The following YME1L1 variants were observed in gnomAD, a reference collection of about 807,000 sequenced individuals.
The protein encoded by YME1L1 is ATP-dependent zinc metalloprotease YME1L1.
Under a neutral mutation model 90.4 loss-of-function variants are expected in YME1L1, and 39 were observed. The ratio of observed to expected loss-of-function variants is 0.43; its 90% CI spans 0.33 to 0.56. YME1L1 has a LOEUF of 0.56. YME1L1 is among the 20% of genes least tolerant of loss of function. The probability of loss-of-function intolerance (pLI) is 0.03; values close to 1 mark genes in which losing one functional copy is unlikely to be tolerated. For synonymous variants in YME1L1, 284 were observed against 287.3 expected, an observed-to-expected ratio of 0.99 and a Z score of 0.12; for missense variants, 617 against 868.4, an observed-to-expected ratio of 0.71 and a Z score of 3.64.
intron 8 of YME1L1, among the ~76,000 whole-genome samples, chr10:27,131,033 G>C (rs747498041): frequency 4.6e-5 from 7 of 152,160 alleles, no homozygotes; most frequent in African/African-American, 7.2e-5. Flanking sequence ...GAGAGCCTTT[G>C]CTCAAACTGT....
intron 11 of YME1L1, 45 bp downstream of exon 11, chr10:27,122,796 C>A: frequency 6.2e-7 from 1 of 1,607,198 alleles, no homozygotes; most frequent in Non-Finnish European, 8.5e-7. Flanking sequence ...ATATCAAATG[C>A]TGGGAGGCAT....
chr10:27,114,970 T>G (rs2056796905), intron 17 of YME1L1, among the ~76,000 whole-genome samples: 1 of 152,048 alleles, frequency 6.6e-6, no homozygotes, highest in African/African-American at 2.4e-5. Flanking sequence ...GTGGTTGCAG[T>G]AAGCTGACAT....
At position 27,111,511 on chromosome 10, in the gene YME1L1, G is replaced by T. The variant is rs2056758661; in HGVS notation, c.*466C>A. 4.6e-6 allele frequency: 1 copy of T among 219,638 alleles called. No individual in the cohort carries two copies. Among genetic ancestry groups the T allele is most frequent in the Non-Finnish European group, 9.2e-6 (1 of 108,546 alleles). 13.6% of individuals were successfully genotyped at this position (219,638 alleles called of 1,614,324 possible). A position where few individuals can be genotyped will look rare whatever the true frequency, so the allele number is the denominator to read the frequency against. ...ACCATGCCAAAAGGCTATATTCCTG[G>T]CTCTGTGTTTCCGAGACTGCTTTTA... On this transcript the variant is annotated 3_prime_UTR_variant, in exon 19 of 19. Transcript: ENST00000376016.
At chr10:27,149,197 G>A (rs970942596) in intron 1 of YME1L1, among the ~76,000 whole-genome samples, 157 bp from the exon 2 acceptor site, 2 of 152,046 alleles carry the variant, frequency 1.3e-5, no homozygotes, top group Admixed American at 6.6e-5. Flanking sequence ...CTGGTGAGAC[G>A]AAAACTGGTA....
rs143380638 is a variant in YME1L1 at position 27,150,869 on chromosome 10, T to C, written c.34-1829A>G. 2.1e-3 allele frequency among the ~76,000 whole-genome samples: 325 copies of C among 152,180 alleles called. 4 individuals are homozygous for C. Among genetic ancestry groups the C allele is most frequent in the African/African-American group, 7.6e-3 (314 of 41,516 alleles). On this transcript the variant is annotated intron_variant, in intron 1 of 18. Transcript: ENST00000376016. Reference sequence around the variant, plus strand: ...TCTGCCTATGGAGTACCCCATTCTTTACTCCTTTACCTTCTTAATAAACTT... The same window carrying C: ...TCTGCCTATGGAGTACCCCATTCTTCACTCCTTTACCTTCTTAATAAACTT...
chr10:27,112,293 T>C (rs1466765091), intron 18 of YME1L1, among the ~76,000 whole-genome samples, 173 bp from the exon 19 acceptor site: 1 of 152,168 alleles, frequency 6.6e-6, no homozygotes, highest in African/African-American at 2.4e-5. Context: ...CATTATAACA[T>C]AGTAAGGAAA....
Position 27,126,777 on chromosome 10 carries a change from C to T in YME1L1, c.868G>A (p.Ala290Thr), listed in dbSNP as rs966864139. 6.3e-6 allele frequency: 10 copies of T among 1,579,598 alleles called. No homozygotes were observed. Among genetic ancestry groups the T allele is most frequent in the Non-Finnish European group, 8.6e-6 (10 of 1,164,524 alleles). ...ACAACTTCCTGTAATTCTTGTTTAGCTTCCTCCACCTAAAGTGACACAATT... is the reference window on the plus strand; with the variant it reads ...ACAACTTCCTGTAATTCTTGTTTAGTTTCCTCCACCTAAAGTGACACAATT... ...TFEHVKGVEEAKQELQEVVEF... is the reference protein window; with the variant it reads ...TFEHVKGVEETKQELQEVVEF... The change falls in exon 9 of 19, where the codon GCT becomes ACT. Residue 290 changes from alanine (A) to threonine (T), a missense_variant. Physicochemically the swap from Ala to Thr is moderately conservative, Grantham distance 58. Around this residue, in one of 4 missense-constraint regions of YME1L1, gnomAD observed 93 missense variants for 184.8 expected, o/e 0.50. Transcript: ENST00000376016.
intron 18 of YME1L1, among the ~76,000 whole-genome samples, chr10:27,113,235 A>T (rs867792755): frequency 0.017 from 498 of 29,536 alleles, 6 homozygotes; most frequent in African/African-American, 0.023. Flanking sequence ...AAAAAAAAAA[A>T]AAAAAAAAAA....
chr10:27,154,133 C>A (rs1262305509), intron 1 of YME1L1, 45 bp downstream of exon 1: 49 of 1,563,386 alleles, frequency 3.1e-5, no homozygotes, highest in Non-Finnish European at 4.1e-5. Context: ...CAAACAGCCA[C>A]GGGCAGGGCG....
At position 27,142,445 on chromosome 10, in the gene YME1L1, C is replaced by G; in HGVS notation, c.372G>C (p.Leu124Phe). The change falls in exon 4 of 19, where the codon TTG (leucine) becomes TTC (phenylalanine). Residue 124 changes from leucine to phenylalanine, a missense_variant. Physicochemically the swap from Leu to Phe is conservative, Grantham distance 22 (BLOSUM62 0). Coordinates refer to ENST00000376016, the MANE Select transcript of YME1L1 (RefSeq NM_014263.4). Reference protein sequence around the residue: ...DIFSTLRSSCLYRHHSRALQS... With the variant: ...DIFSTLRSSCFYRHHSRALQS... ...GAAGAGCTCTTGAATGATGTCGATA[C>G]AAGCAAGAGGAACGTAATGTACTAA... 6.5e-7 allele frequency: 1 copy of G among 1,529,816 alleles called. No individual in the cohort carries two copies. Among genetic ancestry groups the G allele is most frequent in the Non-Finnish European group, 8.8e-7 (1 of 1,138,332 alleles). 94.8% of individuals were successfully genotyped at this position (1,529,816 alleles called of 1,614,324 possible).
chr10:27,120,296 G>A (rs1456361948), intron 13 of YME1L1, 139 bp downstream of exon 13: 17 of 602,150 alleles, frequency 2.8e-5, no homozygotes, highest in Middle Eastern at 4.5e-4. Context: ...ACTTTTAAAC[G>A]AACATACTAA....
chr10:27,133,770 T>C (rs1311591922), intron 7 of YME1L1, among the ~76,000 whole-genome samples: 1 of 152,154 alleles, frequency 6.6e-6, no homozygotes, highest in Non-Finnish European at 1.5e-5. Context: ...TCAGCTTGTA[T>C]TGCCATTATA....
rs1176979517 is a variant in YME1L1 at position 27,113,252 on chromosome 10, A to T, written c.2008-1132T>A. Among the ~76,000 whole-genome samples, 103 of 97,014 alleles carry T rather than the reference A, an allele frequency of 1.1e-3. 2 individuals carry two copies. The highest frequency in any genetic ancestry group is 3.8e-3 in the African/African-American group (96 of 25,222). The allele number at this position is 97,014 out of a possible 152,430, so 63.6% of individuals were successfully genotyped here. ...AAAAAAAAAAAAAAAAAAAAAAAAAAAAAAAAAAAAAGACCTGCCTTCATG... is the reference window on the plus strand; with the variant it reads ...AAAAAAAAAAAAAAAAAAAAAAAAATAAAAAAAAAAAGACCTGCCTTCATG... On this transcript the variant is annotated intron_variant, in intron 18 of 18. Coordinates refer to ENST00000376016, the MANE Select transcript of YME1L1 (RefSeq NM_014263.4).
chr10:27,137,493 A>C (rs2057041466), intron 4 of YME1L1, among the ~76,000 whole-genome samples: 1 of 152,230 alleles, frequency 6.6e-6, no homozygotes, highest in South Asian at 2.1e-4. Context: ...AAACACTGTT[A>C]AGGTTTAAAT....
intron 4 of YME1L1, among the ~76,000 whole-genome samples, chr10:27,139,418 C>T (rs1479847216): frequency 1.3e-5 from 2 of 152,046 alleles, no homozygotes; most frequent in African/African-American, 2.4e-5. Context: ...TGGCTTCAAG[C>T]GATCATCCCA....
chr10:27,120,007 TA>T (rs1290282704), intron 13 of YME1L1, among the ~76,000 whole-genome samples: 1 of 152,192 alleles, frequency 6.6e-6, no homozygotes, highest in African/African-American at 2.4e-5. Context: ...GCAGCTTTAA[TA>T]ATTTCATTTA....
intron 10 of YME1L1, among the ~76,000 whole-genome samples, 165 bp from the exon 11 acceptor site, chr10:27,123,138 G>C (rs2056883452): frequency 6.6e-6 from 1 of 152,056 alleles, no homozygotes; most frequent in Non-Finnish European, 1.5e-5. Context: ...ATCTTCAGGG[G>C]GGAAAAAACT....
intron 2 of YME1L1, 123 bp downstream of exon 2, chr10:27,148,783 G>C: frequency 8.1e-7 from 1 of 1,240,428 alleles, no homozygotes; most frequent in Admixed American, 2.3e-5. Flanking sequence ...AGTTTCTCAG[G>C]AGTCAAAAAT....
At chr10:27,147,222 G>C in intron 2 of YME1L1, 1 of 605,580 alleles carries the variant, frequency 1.7e-6, no homozygotes, top group Non-Finnish European at 2.9e-6. Context: ...GCCTAGCATG[G>C]TGGCTCGAGC....
Sources: gnomAD v4.1 joint callset for allele counts (sites outside exome capture counted in the v4.1 genomes callset) on GRCh38, gnomAD v4.1.1 for gene constraint, gnomAD v4.1.1 regional missense constraint, MANE v1.5 for transcripts, NCBI Gene and HGNC (gene_info 2026-07-23, HGNC 2026-07-21) for gene names.